SPSB4: variants seen among roughly 807,000 people sequenced by gnomAD.
SPSB4 encodes the protein splA/ryanodine receptor domain and SOCS box containing 4, also known as SPRY domain-containing SOCS box protein 4.
A neutral mutation model predicts 20.9 loss-of-function variants in SPSB4; 21 were observed. The observed-to-expected ratio is 1.01, with a 90% CI of 0.71 to 1.45. SPSB4 has a LOEUF of 1.45. SPSB4 is among the 40% of genes most tolerant of loss of function. SPSB4 has a pLI of 0.00. For missense variants in SPSB4, 399 were observed against 399.2 expected (o/e 1.00, Z 0.00); for synonymous variants, 207 against 183.8 (o/e 1.13, Z -1.02).
chr3:141,138,323 T>C (rs1259249615), intron 2 of SPSB4, among the ~76,000 whole-genome samples: 1 of 152,226 alleles, frequency 6.6e-6, no homozygotes, highest in African/African-American at 2.4e-5. Flanking sequence ...GTTTTTTGTG[T>C]CTCTATCTCC....
intron 2 of SPSB4, among the ~76,000 whole-genome samples, chr3:141,112,443 A>G (rs1316718082): frequency 6.6e-6 from 1 of 151,556 alleles, no homozygotes; most frequent in Non-Finnish European, 1.5e-5. Flanking sequence ...CAGGAGATCG[A>G]GACCATCCCG....
At chr3:141,123,143 A>G (rs1183038492) in intron 2 of SPSB4, among the ~76,000 whole-genome samples, 1 of 152,202 alleles carries the variant, frequency 6.6e-6, no homozygotes, top group Non-Finnish European at 1.5e-5. Context: ...ATTGGATTAA[A>G]CATAATCCTT....
chr3:141,147,426 T>C lies in SPSB4; in HGVS notation c.*157T>C. On this transcript the variant is annotated 3_prime_UTR_variant, in exon 3 of 3. Transcript: ENST00000310546. ...AAAGACCAGGATGTGGTACCAACTTTGGAAACGAAAGGTCTCTTGCCAACA... is the reference window on the plus strand; with the variant it reads ...AAAGACCAGGATGTGGTACCAACTTCGGAAACGAAAGGTCTCTTGCCAACA... 3.0e-6 allele frequency: 4 copies of C among 1,324,272 alleles called. No homozygotes were observed. The highest frequency in any genetic ancestry group is 4.1e-6 in the Non-Finnish European group (4 of 978,350). The allele number at this position is 1,324,272 out of a possible 1,614,324, so 82.0% of individuals were successfully genotyped here. A position where few individuals can be genotyped will look rare whatever the true frequency, so the allele number is the denominator to read the frequency against.
intron 2 of SPSB4, among the ~76,000 whole-genome samples, chr3:141,076,471 A>T (rs915736790): frequency 1.4e-4 from 22 of 152,260 alleles, no homozygotes; most frequent in African/African-American, 5.1e-4. Context: ...GCTCTTTGTT[A>T]AACAGTCATT....
At chr3:141,144,232 G>A (rs921268642) in intron 2 of SPSB4, among the ~76,000 whole-genome samples, 6 of 152,206 alleles carry the variant, frequency 3.9e-5, no homozygotes, top group Admixed American at 2.0e-4. Context: ...TTGGTATGTG[G>A]CAGAGTCATA....
At chr3:141,058,395 T>C (rs769614840) in intron 1 of SPSB4, among the ~76,000 whole-genome samples, 1 of 152,214 alleles carries the variant, frequency 6.6e-6, no homozygotes, top group Non-Finnish European at 1.5e-5. Context: ...TTCTGGATAA[T>C]GTCATTAAGC....
At chr3:141,070,343 G>T (rs1392754770) in intron 2 of SPSB4, among the ~76,000 whole-genome samples, 1 of 151,944 alleles carries the variant, frequency 6.6e-6, no homozygotes, top group African/African-American at 2.4e-5. Flanking sequence ...TTGTTCATTT[G>T]TTTTCTAGAG....
intron 2 of SPSB4, among the ~76,000 whole-genome samples, chr3:141,143,463 T>C (rs924052598): frequency 6.6e-6 from 1 of 152,220 alleles, no homozygotes; most frequent in African/African-American, 2.4e-5. Context: ...AGTCCTATGA[T>C]GGGATCTGTC....
intron 2 of SPSB4, among the ~76,000 whole-genome samples, chr3:141,130,611 A>G (rs182798362): frequency 6.6e-6 from 1 of 152,242 alleles, no homozygotes; most frequent in East Asian, 1.9e-4. Flanking sequence ...TCAAAATATA[A>G]ATACAGGGTT....
At chr3:141,131,977 C>A (rs1939138947) in intron 2 of SPSB4, among the ~76,000 whole-genome samples, 1 of 152,100 alleles carries the variant, frequency 6.6e-6, no homozygotes, top group Non-Finnish European at 1.5e-5. Flanking sequence ...CTATCTTTTT[C>A]ATTTTAGTCA....
At chr3:141,093,995 T>TA (rs201064874) in intron 2 of SPSB4, among the ~76,000 whole-genome samples, 58 of 151,048 alleles carry the variant, frequency 3.8e-4, no homozygotes, top group Middle Eastern at 3.4e-3. Context: ...GAGATGTCTG[T>TA]AAAAAAAAAG....
At chr3:141,074,058 A>C (rs904641253) in intron 2 of SPSB4, among the ~76,000 whole-genome samples, 3 of 152,232 alleles carry the variant, frequency 2.0e-5, no homozygotes, top group Non-Finnish European at 4.4e-5. Flanking sequence ...GTGGCTTTGA[A>C]ATGCAGGTGA....
intron 2 of SPSB4, among the ~76,000 whole-genome samples, chr3:141,073,019 G>T (rs934959368): frequency 6.6e-6 from 1 of 152,180 alleles, no homozygotes; most frequent in African/African-American, 2.4e-5. Context: ...ATATGGTTGT[G>T]TTATAATCTA....
intron 2 of SPSB4, among the ~76,000 whole-genome samples, chr3:141,092,297 C>T (rs1938468022): frequency 6.6e-6 from 1 of 152,178 alleles, no homozygotes; most frequent in African/African-American, 2.4e-5. Context: ...ACAAGGCCTG[C>T]TAAATAGTAG....
Position 141,066,596 on chromosome 3 carries a change from T to G in SPSB4, c.492T>G (p.Phe164Leu). Residue 164 changes from phenylalanine to leucine, a missense_variant, in exon 2 of 3, where the codon TTT becomes TTG. Physicochemically the swap from Phe to Leu is conservative, Grantham distance 22 (BLOSUM62 0). Transcript: ENST00000310546. ...KNQPGVAYPA[F>L]LGPDEAFALP... Reference sequence around the variant, plus strand: ...AGCCCGGCGTGGCCTACCCGGCCTTTCTGGGGCCCGACGAGGCCTTTGCGC... The same window carrying G: ...AGCCCGGCGTGGCCTACCCGGCCTTGCTGGGGCCCGACGAGGCCTTTGCGC... The G allele has an allele frequency of 6.3e-7, 1 of 1,577,748 alleles. No individual in the cohort carries two copies. The highest frequency in any genetic ancestry group is 2.3e-5 in the East Asian group (1 of 43,920).
chr3:141,145,196 A>T (rs182254387), intron 2 of SPSB4, among the ~76,000 whole-genome samples: 54 of 151,670 alleles, frequency 3.6e-4, no homozygotes, highest in Admixed American at 9.2e-4. Flanking sequence ...TAAAAATAAT[A>T]ATTATTTTAA....
At chr3:141,135,949 A>C (rs950637702) in intron 2 of SPSB4, among the ~76,000 whole-genome samples, 6 of 152,212 alleles carry the variant, frequency 3.9e-5, no homozygotes, top group Non-Finnish European at 7.3e-5. Context: ...ACTAGTTTAC[A>C]GTCCCACCAA....
intron 2 of SPSB4, among the ~76,000 whole-genome samples, chr3:141,067,582 G>A (rs1000191833): frequency 1.3e-5 from 2 of 152,192 alleles, no homozygotes; most frequent in African/African-American, 4.8e-5. Context: ...ACAACTCTAT[G>A]GCTTCCTCTC....
chr3:141,105,787 A>G (rs1938678259), intron 2 of SPSB4, among the ~76,000 whole-genome samples: 1 of 152,236 alleles, frequency 6.6e-6, no homozygotes, highest in Admixed American at 6.5e-5. Flanking sequence ...TCAAAGTTAT[A>G]ATAAAATAGA....
Sources: allele counts gnomAD v4.1 joint callset (sites outside exome capture counted in the v4.1 genomes callset), GRCh38; gene constraint gnomAD v4.1.1; transcripts MANE v1.5; gene names NCBI Gene and HGNC (gene_info 2026-07-23, HGNC 2026-07-21).